The following PTPRM variants were observed in gnomAD, a reference collection of about 807,000 sequenced individuals.
PTPRM encodes the protein protein tyrosine phosphatase receptor type M, also known as receptor-type tyrosine-protein phosphatase mu.
In PTPRM, 47 loss-of-function variants were observed where a neutral mutation model predicts 186.7. The observed-to-expected ratio is 0.25, with a 90% CI of 0.20 to 0.32. The LOEUF is 0.32. Among genes scored for constraint, PTPRM ranks in the 10% least tolerant of loss-of-function variants. The pLI is 1.00. For missense variants in PTPRM, 1,494 were observed against 1,865.0 expected, an observed-to-expected ratio of 0.80 and a Z score of 3.66; for synonymous variants, 668 against 674.9, an observed-to-expected ratio of 0.99 and a Z score of 0.16.
At chr18:8,191,358 G>A (rs1404049456) in intron 14 of PTPRM, among the ~76,000 whole-genome samples, 1 of 152,188 alleles carries the variant, frequency 6.6e-6, no homozygotes, top group Non-Finnish European at 1.5e-5. Context: ...CTACAGAGGA[G>A]GTGGGAAAGG....
At chr18:7,886,031 A>G (rs1292041283) in intron 2 of PTPRM, among the ~76,000 whole-genome samples, 2 of 152,218 alleles carry the variant, frequency 1.3e-5, no homozygotes, top group African/African-American at 2.4e-5. Context: ...TGATGGGAAC[A>G]ATGAGAGATA....
At chr18:8,170,522 A>ATT (rs903768258) in intron 14 of PTPRM, among the ~76,000 whole-genome samples, 2 of 151,936 alleles carry the variant, frequency 1.3e-5, no homozygotes, top group African/African-American at 4.8e-5. Context: ...GCATCCCTAA[A>ATT]TTATATATAG....
intron 14 of PTPRM, among the ~76,000 whole-genome samples, chr18:8,232,591 T>G (rs1018558227): frequency 6.6e-6 from 1 of 152,164 alleles, no homozygotes; most frequent in Non-Finnish European, 1.5e-5. Context: ...TGGTACGATC[T>G]TGGCTCACTG....
chr18:7,917,595 A>G (rs568247154), intron 4 of PTPRM, among the ~76,000 whole-genome samples: 2 of 152,208 alleles, frequency 1.3e-5, no homozygotes, highest in Non-Finnish European at 2.9e-5. Context: ...GGTACATGTG[A>G]TAATTTAATA....
At position 7,745,362 on chromosome 18, in the gene PTPRM, C is replaced by CT. The variant is rs967321250; in HGVS notation, c.74-28781dup. Reference sequence around the variant, plus strand: ...GCAGTGATTCCTGCATTTGGGGCCACTTTTTTCCTCAAGACTGAGTGTCTC... The same window carrying CT: ...GCAGTGATTCCTGCATTTGGGGCCACTTTTTTTCCTCAAGACTGAGTGTCTC... On this transcript the variant is annotated intron_variant, in intron 1 of 32. Transcript: ENST00000580170. 2.0e-5 allele frequency among the ~76,000 whole-genome samples: 3 copies of CT among 152,266 alleles called. No homozygotes were observed. In the South Asian group the frequency reaches 6.2e-4, roughly 32 times the overall value.
chr18:7,640,813 T>A (rs2038426103), intron 1 of PTPRM, among the ~76,000 whole-genome samples: 1 of 152,186 alleles, frequency 6.6e-6, no homozygotes, highest in Non-Finnish European at 1.5e-5. Flanking sequence ...AGAGGGTGCT[T>A]AACTCTTAGT....
chr18:7,693,415 T>A (rs1345931909), intron 1 of PTPRM, among the ~76,000 whole-genome samples: 1 of 152,190 alleles, frequency 6.6e-6, no homozygotes, highest in Non-Finnish European at 1.5e-5. Context: ...CCCAAAGACC[T>A]ACCTTCCTAC....
intron 20 of PTPRM, among the ~76,000 whole-genome samples, chr18:8,312,316 G>A (rs2095275272): frequency 6.6e-6 from 1 of 152,080 alleles, no homozygotes; most frequent in Non-Finnish European, 1.5e-5. Context: ...ACCCCCAACA[G>A]TGGAAAACAT....
At chr18:8,189,791 G>A (rs1402175901) in intron 14 of PTPRM, among the ~76,000 whole-genome samples, 3 of 152,070 alleles carry the variant, frequency 2.0e-5, no homozygotes, top group African/African-American at 7.2e-5. Flanking sequence ...ACTTTAAAGA[G>A]CCCTCTTTTA....
intron 1 of PTPRM, among the ~76,000 whole-genome samples, chr18:7,676,506 C>G (rs1425890120): frequency 6.6e-6 from 1 of 152,092 alleles, no homozygotes; most frequent in Non-Finnish European, 1.5e-5. Context: ...GTTTTTAGCT[C>G]AGCTGTCATC....
chr18:7,926,709 G>A, intron 5 of PTPRM, 26 bp downstream of exon 5: 1 of 1,565,092 alleles, frequency 6.4e-7, no homozygotes, highest in African/African-American at 1.4e-5. Context: ...TTCATCAGTT[G>A]ATGAGAGTCC....
At chr18:8,124,626 C>T (rs181270684) in intron 13 of PTPRM, among the ~76,000 whole-genome samples, 3 of 152,270 alleles carry the variant, frequency 2.0e-5, no homozygotes, top group East Asian at 1.9e-4. Context: ...TTTAGCAAAG[C>T]TAAGAAAAGA....
At chr18:8,174,274 T>A (rs2093449396) in intron 14 of PTPRM, among the ~76,000 whole-genome samples, 2 of 152,190 alleles carry the variant, frequency 1.3e-5, no homozygotes, top group African/African-American at 4.8e-5. Context: ...AGGGTTATTA[T>A]CATTTAAACT....
At chr18:7,596,506 A>C (rs1036264444) in intron 1 of PTPRM, among the ~76,000 whole-genome samples, 1 of 152,208 alleles carries the variant, frequency 6.6e-6, no homozygotes, top group Admixed American at 6.5e-5. Flanking sequence ...CCACATCCAC[A>C]TACTTTTATT....
intron 13 of PTPRM, among the ~76,000 whole-genome samples, chr18:8,118,883 G>A (rs1257792330): frequency 1.3e-5 from 2 of 148,612 alleles, no homozygotes; most frequent in Admixed American, 6.7e-5. Context: ...TGTTGTTAGT[G>A]TATTTTACAT....
At position 8,394,441 on chromosome 18, in the gene PTPRM, G is replaced by A. The variant is rs745339064; in HGVS notation, c.4209-35G>A. On this transcript the variant is annotated intron_variant, in intron 31 of 32. Coordinates refer to ENST00000580170, the MANE Select transcript of PTPRM (RefSeq NM_001105244.2). ...GTTTGCAAGATGCAGTGTAAAGACA[G>A]ACCGAGTGCAGTCATCTGATCTTTT... The A allele has an allele frequency of 3.3e-5, 52 of 1,589,956 alleles. No individual in the cohort carries two copies. The South Asian group carries it at 5.9e-4, about 18-fold the overall frequency.
At chr18:8,353,400 A>T (rs2095546446) in intron 23 of PTPRM, among the ~76,000 whole-genome samples, 1 of 152,132 alleles carries the variant, frequency 6.6e-6, no homozygotes, top group Non-Finnish European at 1.5e-5. Flanking sequence ...AAGGCTGAGA[A>T]AGGCTATGGA....
chr18:7,802,721 A>G (rs1290420928), intron 2 of PTPRM, among the ~76,000 whole-genome samples: 1 of 152,232 alleles, frequency 6.6e-6, no homozygotes, highest in Admixed American at 6.5e-5. Flanking sequence ...GCAATAAGAA[A>G]GCTAGTATAT....
chr18:7,945,958 A>G (rs912370996), intron 5 of PTPRM, among the ~76,000 whole-genome samples: 2 of 152,102 alleles, frequency 1.3e-5, no homozygotes, highest in South Asian at 2.1e-4. Context: ...CCTATGTACT[A>G]TTTCTCTTGA....
Sources: gnomAD v4.1 joint callset for allele counts (sites outside exome capture counted in the v4.1 genomes callset) on GRCh38, gnomAD v4.1.1 for gene constraint, MANE v1.5 for transcripts, NCBI Gene and HGNC (gene_info 2026-07-23, HGNC 2026-07-21) for gene names.